RIF1: variants seen among roughly 807,000 people sequenced by gnomAD.
RIF1 encodes the protein replication timing regulatory factor 1.
Under a neutral mutation model 247.1 loss-of-function variants are expected in RIF1, and 45 were observed. The observed-to-expected ratio is 0.18, with a 90% CI of 0.14 to 0.23. The LOEUF is 0.23. Among genes scored for constraint, RIF1 ranks in the 10% least tolerant of loss-of-function variants. The pLI, the probability that RIF1 is intolerant of heterozygous loss-of-function variation, is 1.00. For missense variants in RIF1, 2,967 were observed against 2,862.5 expected (o/e 1.04, Z -0.83); for synonymous variants, 1,087 against 978.8 (o/e 1.11, Z -2.06).
Position 151,474,837 on chromosome 2 carries a change from G to GT in RIF1, c.7205-10dup, listed in dbSNP as rs747844988. 0.02 allele frequency: 22,877 copies of GT among 1,116,950 alleles called. 3 individuals carry two copies. Among genetic ancestry groups the GT allele is most frequent in the Non-Finnish European group, 0.023 (18,646 of 795,422 alleles). 69.2% of individuals were successfully genotyped at this position (1,116,950 alleles called of 1,614,324 possible). ...TTTGTCTGGTATAGATTTAATTGTG[G>GT]TTTTTTTTTTCTCTTTTAGATATAA... is the stretch of plus-strand genomic sequence containing the variant. On this transcript the variant is annotated intron_variant, in intron 35 of 35. Coordinates refer to ENST00000444746, the MANE Select transcript of RIF1 (RefSeq NM_018151.5).
At chr2:151,531,137 G>A in the RIF1 span, 1 of 1,301,990 alleles carries the variant, frequency 7.7e-7, no homozygotes, top group South Asian at 1.2e-5. Context: ...ATCATGTCAT[G>A]CTTCTCAATG....
the RIF1 span, chr2:151,514,866 G>C: frequency 6.3e-7 from 1 of 1,588,620 alleles, no homozygotes; most frequent in East Asian, 2.3e-5. Context: ...AAGCTGGCGT[G>C]ACCTCCAGGC....
At chr2:151,485,136 A>G (rs1670847050), downstream of RIF1, among the ~76,000 whole-genome samples, 1 of 152,226 alleles carries the variant, frequency 6.6e-6, no homozygotes, top group African/African-American at 2.4e-5. Flanking sequence ...ATTGGAGTCC[A>G]CAGATGTTCT....
chr2:151,534,351 A>G, the RIF1 span: 1 of 1,574,524 alleles, frequency 6.4e-7, no homozygotes, highest in Non-Finnish European at 8.7e-7. Flanking sequence ...TTATAGCAAG[A>G]GTACAACTTC....
In RIF1 at chr2:151,464,163, G is replaced by T; in HGVS notation, c.4643G>T (p.Ser1548Ile). 6.2e-7 allele frequency: 1 copy of T among 1,609,834 alleles called. No individual in the cohort carries two copies. The highest frequency in any genetic ancestry group is 1.1e-5 in the South Asian group (1 of 90,020). ...TRRASQGLLSSIENSESDSSE... is the reference protein window; with the variant it reads ...TRRASQGLLSIIENSESDSSE... ...AGAGCATCTCAGGGTTTGCTTTCCA[G>T]CATTGAAAACTCAGAATCTGATAGT... The change falls in exon 30 of 36, where the codon AGC (serine) becomes ATC (isoleucine). Residue 1548 changes from serine to isoleucine, a missense_variant. This residue lies in a region of RIF1 where 2,028 missense variants were observed against 1,825.6 expected (regional missense o/e 1.11). Transcript: ENST00000444746.
chr2:151,484,183 T>C (rs1315855266), downstream of RIF1, among the ~76,000 whole-genome samples: 2 of 152,266 alleles, frequency 1.3e-5, no homozygotes, highest in Non-Finnish European at 2.9e-5. Flanking sequence ...CAGCTGCATG[T>C]TGAACATTTT....
chr2:151,531,941 G>A, the RIF1 span: 2 of 1,239,216 alleles, frequency 1.6e-6, no homozygotes, highest in South Asian at 2.6e-5. Flanking sequence ...GTTGTAGAGT[G>A]GGCTTTAAGG....
chr2:151,428,362 A>G (rs1324369212), intron 8 of RIF1, among the ~76,000 whole-genome samples: 2 of 152,058 alleles, frequency 1.3e-5, no homozygotes, highest in East Asian at 1.9e-4. Flanking sequence ...TTTTCCATTC[A>G]GTTTGTTTGA....
the RIF1 span, among the ~76,000 whole-genome samples, chr2:151,533,875 T>C: frequency 2.0e-5 from 3 of 152,226 alleles, no homozygotes; most frequent in Admixed American, 6.5e-5. Flanking sequence ...TTCCATTAAT[T>C]TTTGTTTGTT....
At chr2:151,468,578 A>G in intron 32 of RIF1, 27 bp downstream of exon 32, 2 of 1,605,464 alleles carry the variant, frequency 1.2e-6, no homozygotes, top group South Asian at 2.2e-5. Flanking sequence ...TTTTCATGTC[A>G]CTTTATATTT....
intron 12 of RIF1, among the ~76,000 whole-genome samples, chr2:151,504,414 T>C (rs2067158476): frequency 6.6e-6 from 1 of 152,162 alleles, no homozygotes; most frequent in Admixed American, 6.5e-5. Context: ...GAAGTTGTAA[T>C]GCAAAGTGAC....
intron 17 of RIF1, 33 bp from the exon 18 acceptor site, chr2:151,443,496 A>G (rs772040072): frequency 6.6e-7 from 1 of 1,516,424 alleles, no homozygotes; most frequent in Non-Finnish European, 8.8e-7. Flanking sequence ...TCCTGCCAAA[A>G]AGTTGATGCA....
At chr2:151,493,859 G>A in intron 9 of RIF1, 2 of 1,557,376 alleles carry the variant, frequency 1.3e-6, no homozygotes, top group Non-Finnish European at 1.7e-6. Flanking sequence ...GGTTCTCTTT[G>A]TATAACACCT....
rs1192064960 is a variant in RIF1, at chr2:151,436,921, G to A, written c.1290G>A (p.Leu430=). The A allele has an allele frequency of 4.3e-6, 7 of 1,613,672 alleles. No individual in the cohort carries two copies. The highest frequency in any genetic ancestry group is 5.9e-6 in the Non-Finnish European group (7 of 1,179,900). ...GMATIPSIQL[L]GLEMLLHFLL... ...CCACAATCCCATCCATTCAACTTTT[G>A]GGACTTGAAATGTTGCTTCATTTCT... Residue 430 remains leucine (L), a synonymous_variant, in exon 12 of 36, where the codon TTG becomes TTA. Coordinates refer to ENST00000444746, the MANE Select transcript of RIF1 (RefSeq NM_018151.5).
intron 26 of RIF1, among the ~76,000 whole-genome samples, chr2:151,460,789 C>T (rs191926449): frequency 2.6e-5 from 4 of 152,284 alleles, no homozygotes; most frequent in East Asian, 1.9e-4. Flanking sequence ...TTTGTATTGG[C>T]GACTTTCACT....
At chr2:151,417,023 C>A (rs1427846809) in intron 6 of RIF1, 122 bp downstream of exon 6, 1 of 671,850 alleles carries the variant, frequency 1.5e-6, no homozygotes, top group Non-Finnish European at 2.5e-6. Context: ...TTACACCAAA[C>A]GACTCAAGGA....
intron 11 of RIF1, among the ~76,000 whole-genome samples, chr2:151,499,917 A>G (rs2063150822): frequency 6.6e-6 from 1 of 152,200 alleles, no homozygotes; most frequent in Non-Finnish European, 1.5e-5. Context: ...CCACTGGGCA[A>G]TTTTGCCTAA....
intron 30 of RIF1, among the ~76,000 whole-genome samples, chr2:151,466,479 T>A (rs1443786579): frequency 1.3e-5 from 2 of 152,210 alleles, no homozygotes; most frequent in Admixed American, 1.3e-4. Flanking sequence ...ATAAAGCAGA[T>A]TTAGTAGTTG....
At chr2:151,518,280 A>G in the RIF1 span, 2,490 of 1,395,780 alleles carry the variant, frequency 1.8e-3, 35 homozygotes, top group East Asian at 0.032. Flanking sequence ...CTGTGGATGA[A>G]TGTGCGCCAG....
Sources: allele counts gnomAD v4.1 joint callset (sites outside exome capture counted in the v4.1 genomes callset), GRCh38; gene constraint gnomAD v4.1.1; regional missense constraint gnomAD v4.1.1; transcripts MANE v1.5; gene names NCBI Gene and HGNC (gene_info 2026-07-23, HGNC 2026-07-21).